The following EMSY variants were observed in gnomAD, a reference collection of about 807,000 sequenced individuals.
EMSY encodes the protein BRCA2-interacting transcriptional repressor EMSY.
In EMSY, 26 loss-of-function variants were observed where a neutral mutation model predicts 134.6. The ratio of observed to expected loss-of-function variants is 0.19; its 90% CI spans 0.14 to 0.27. The LOEUF is 0.27. Ranked by LOEUF, EMSY falls within the 10% of genes least tolerant of loss-of-function variation. The pLI is 1.00. For synonymous variants in EMSY, 579 were observed against 577.8 expected (o/e 1.00, Z -0.03); for missense variants, 1,305 against 1,611.4 (o/e 0.81, Z 3.26).
intron 8 of EMSY, among the ~76,000 whole-genome samples, chr11:76,488,539 T>TG (rs1471411217): frequency 6.6e-6 from 1 of 152,138 alleles, no homozygotes; most frequent in African/African-American, 2.4e-5. Context: ...TTTTTTGTTT[T>TG]TTTTTTTATT....
At chr11:76,461,922 C>A (rs1948135780) in intron 6 of EMSY, among the ~76,000 whole-genome samples, 1 of 150,120 alleles carries the variant, frequency 6.7e-6, no homozygotes, top group African/African-American at 2.5e-5. Context: ...CAGAGTGAGC[C>A]TCCATCTTAA....
Position 76,533,998 on chromosome 11 carries a change from T to C in EMSY, c.2195-1897T>C, listed in dbSNP as rs144269094. On this transcript the variant is annotated intron_variant, in intron 14 of 20. Transcript: ENST00000334736. ...CACAGGGTTGCTACAGTGATACTTA[T>C]GATGGTCAGCTGCTCTTTCTGAGTA... Among the ~76,000 whole-genome samples the C allele has an allele frequency of 5.9e-5, 9 of 152,298 alleles. No individual in the cohort carries two copies. The East Asian group carries it at 1.7e-3, about 29-fold the overall frequency.
intron 9 of EMSY, among the ~76,000 whole-genome samples, chr11:76,501,458 A>C (rs1257947378): frequency 1.3e-5 from 2 of 152,226 alleles, no homozygotes; most frequent in African/African-American, 4.8e-5. Flanking sequence ...GGACAATATT[A>C]CATCAAATAA....
intron 17 of EMSY, among the ~76,000 whole-genome samples, chr11:76,540,626 A>G (rs756632789): frequency 1.3e-5 from 2 of 152,234 alleles, no homozygotes; most frequent in African/African-American, 2.4e-5. Flanking sequence ...GCCTATTTAT[A>G]TTTCACTGGA....
intron 7 of EMSY, among the ~76,000 whole-genome samples, chr11:76,469,234 T>C (rs868567135): frequency 6.6e-6 from 1 of 152,236 alleles, no homozygotes; most frequent in Admixed American, 6.5e-5. Flanking sequence ...TCCCTTGCCC[T>C]TGCCCATGAC....
At chr11:76,528,954 C>G (rs1184646988) in intron 14 of EMSY, among the ~76,000 whole-genome samples, 2 of 152,100 alleles carry the variant, frequency 1.3e-5, no homozygotes, top group African/African-American at 2.4e-5. Context: ...TTATGTTGTT[C>G]TGGCACAATT....
At chr11:76,546,222 G>A (rs146084710) in exon 20 of EMSY, 35 of 1,613,998 alleles carry the variant, frequency 2.2e-5, no homozygotes, top group African/African-American at 8.0e-5. Context: ...CAGTGCCTGC[G>A]ACAGGCCAGT....
At chr11:76,453,489 T>A in intron 4 of EMSY, 101 bp downstream of exon 4, 1 of 1,011,736 alleles carries the variant, frequency 9.9e-7, no homozygotes, top group African/African-American at 1.6e-5. Context: ...GTCTTTTAAG[T>A]AACAATATCT....
intron 7 of EMSY, among the ~76,000 whole-genome samples, chr11:76,468,820 T>G (rs1235203043): frequency 1.3e-5 from 2 of 152,258 alleles, no homozygotes; most frequent in East Asian, 3.9e-4. Context: ...TGCCTTCATG[T>G]GCTTGATTGA....
At chr11:76,460,303 C>T in intron 6 of EMSY, 4 of 465,722 alleles carry the variant, frequency 8.6e-6, no homozygotes, top group Non-Finnish European at 1.5e-5. Flanking sequence ...TTTTCATTGT[C>T]TGTGGGTAAT....
chr11:76,536,255 G>C (rs949528620), intron 15 of EMSY, among the ~76,000 whole-genome samples, 196 bp downstream of exon 16: 1 of 152,022 alleles, frequency 6.6e-6, no homozygotes, highest in Admixed American at 6.6e-5. Flanking sequence ...AGTAAGATGT[G>C]CACAGGAATA....
At chr11:76,527,459 CTG>C (rs1224512901) in intron 13 of EMSY, among the ~76,000 whole-genome samples, 1 of 151,946 alleles carries the variant, frequency 6.6e-6, no homozygotes, top group Admixed American at 6.6e-5. Context: ...TTAACAGAGT[CTG>C]AGAAATTTTA....
At chr11:76,481,643 G>A (rs1181885718) in intron 8 of EMSY, among the ~76,000 whole-genome samples, 2 of 152,204 alleles carry the variant, frequency 1.3e-5, no homozygotes, top group African/African-American at 4.8e-5. Context: ...AGTTCGAACT[G>A]GGCGGAGCCC....
At chr11:76,494,846 C>T (rs1450639847) in intron 8 of EMSY, among the ~76,000 whole-genome samples, 2 of 152,080 alleles carry the variant, frequency 1.3e-5, no homozygotes, top group East Asian at 3.9e-4. Flanking sequence ...AGAGATTCTC[C>T]TGCCTCACCT....
rs555080932 is a variant in EMSY at position 76,473,694 on chromosome 11, T to TTA, written c.1108+855_1108+856dup. Among the ~76,000 whole-genome samples the TTA allele has an allele frequency of 3.3e-5, 5 of 152,224 alleles. No homozygotes were observed. The South Asian group carries it at 1.0e-3, about 32-fold the overall frequency. ...ACCTGAACTCAAGGGCAATTGCTGCTTAATAGCAGAGTAGGCCGGGCACAG... is the reference window on the plus strand; with the variant it reads ...ACCTGAACTCAAGGGCAATTGCTGCTTATAATAGCAGAGTAGGCCGGGCACAG... On this transcript the variant is annotated intron_variant, in intron 8 of 20. Transcript: ENST00000334736.
chr11:76,514,307 C>T (rs1043077890), intron 10 of EMSY, among the ~76,000 whole-genome samples: 1 of 151,964 alleles, frequency 6.6e-6, no homozygotes, highest in African/African-American at 2.4e-5. Context: ...TAGCCATTAC[C>T]GTTATTTTAA....
Position 76,532,235 on chromosome 11 carries a change from G to A in EMSY, c.2195-3660G>A, listed in dbSNP as rs1437810473. 3.9e-5 allele frequency among the ~76,000 whole-genome samples: 6 copies of A among 152,182 alleles called. No individual in the cohort carries two copies. In the East Asian group the frequency reaches 9.7e-4, roughly 24 times the overall value. On this transcript the variant is annotated intron_variant, in intron 14 of 20. Coordinates refer to ENST00000334736, the Ensembl canonical transcript of EMSY. Reference sequence around the variant, plus strand: ...CAAAGAGTTCAGTTAGGACTGAGAAGGTACTCAGTAAAAGTTTCACCGAAT... The same window carrying A: ...CAAAGAGTTCAGTTAGGACTGAGAAAGTACTCAGTAAAAGTTTCACCGAAT...
intron 20 of EMSY, among the ~76,000 whole-genome samples, chr11:76,547,318 G>A (rs763353338): frequency 4.5e-4 from 69 of 152,160 alleles, no homozygotes; most frequent in Admixed American, 3.5e-3. Context: ...AATTAAGGTA[G>A]AATTAAATAT....
intron 7 of EMSY, among the ~76,000 whole-genome samples, chr11:76,466,158 C>T (rs1181597259): frequency 1.3e-5 from 2 of 152,218 alleles, no homozygotes; most frequent in Non-Finnish European, 2.9e-5. Flanking sequence ...CAATCTCCCT[C>T]ATGACAGTAA....
Sources: allele counts gnomAD v4.1 joint callset (sites outside exome capture counted in the v4.1 genomes callset), GRCh38; gene constraint gnomAD v4.1.1; transcripts MANE v1.5; gene names NCBI Gene and HGNC (gene_info 2026-07-23, HGNC 2026-07-21).